OSTC: variants seen among roughly 807,000 people sequenced by gnomAD.
OSTC encodes the protein oligosaccharyltransferase complex non-catalytic subunit.
OSTC carries 16 observed loss-of-function variants against 16.4 expected under a neutral mutation model. That is an observed-to-expected ratio of 0.98 (90% confidence interval 0.66 to 1.49). The LOEUF (loss-of-function observed/expected upper bound fraction) is 1.49, where lower values mean the gene tolerates loss of function less well. Ranked by LOEUF, OSTC falls within the 40% of genes most tolerant of loss-of-function variation. The probability of loss-of-function intolerance (pLI) is 0.00; values close to 1 mark genes in which losing one functional copy is unlikely to be tolerated. For synonymous variants in OSTC, 67 were observed against 68.5 expected (o/e 0.98, Z 0.11); for missense variants, 139 against 186.3 (o/e 0.75, Z 1.48).
intron 2 of OSTC, 83 bp from the exon 3 acceptor site, chr4:108,657,367 G>A (rs1360477905): frequency 1.5e-5 from 19 of 1,233,406 alleles, no homozygotes; most frequent in Non-Finnish European, 2.1e-5. Context: ...AAATGTTTTG[G>A]CACAAAAACG....
rs561647280 is a variant in OSTC, at chr4:108,656,521, A to G, written c.233+864A>G. On this transcript the variant is annotated intron_variant, in intron 2 of 3. Transcript: ENST00000361564. ...TGTATAATCATCCCTTTAACGAGAAATTTTCTTCTTGAGGTCCTTGAACTA... is the reference window on the plus strand; with the variant it reads ...TGTATAATCATCCCTTTAACGAGAAGTTTTCTTCTTGAGGTCCTTGAACTA... Among the ~76,000 whole-genome samples the G allele has an allele frequency of 4.6e-5, 7 of 151,924 alleles. 1 individual carries two copies. The South Asian group carries it at 1.5e-3, about 31-fold the overall frequency.
At chr4:108,660,774 G>T (rs1175856659) in intron 3 of OSTC, among the ~76,000 whole-genome samples, 1 of 152,160 alleles carries the variant, frequency 6.6e-6, no homozygotes, top group Non-Finnish European at 1.5e-5. Context: ...CCTTTGAAAA[G>T]GAGAAAACAG....
In OSTC at chr4:108,667,346, T is replaced by C; in HGVS notation, c.*81T>C. The C allele has an allele frequency of 8.6e-7, 1 of 1,157,956 alleles. No homozygotes were observed. Among genetic ancestry groups the C allele is most frequent in the Non-Finnish European group, 1.2e-6 (1 of 802,908 alleles). 71.7% of individuals were successfully genotyped at this position (1,157,956 alleles called of 1,614,324 possible). ...TAAAGGCTGTACCAATCCTCTAATA[T>C]GAAATGTGGAAAAGAATGAAGAGCA... is the stretch of plus-strand genomic sequence containing the variant. On this transcript the variant is annotated 3_prime_UTR_variant, in exon 4 of 4. Coordinates refer to ENST00000361564, the MANE Select transcript of OSTC (RefSeq NM_021227.4).
chr4:108,655,014 A>C (rs565504327), intron 1 of OSTC, among the ~76,000 whole-genome samples: 43 of 152,218 alleles, frequency 2.8e-4, no homozygotes, highest in Non-Finnish European at 5.3e-4. Flanking sequence ...TTATTGGATG[A>C]ATTTCCTTTA....
At chr4:108,659,291 T>C (rs2110385048) in intron 3 of OSTC, among the ~76,000 whole-genome samples, 1 of 152,116 alleles carries the variant, frequency 6.6e-6, no homozygotes, top group Middle Eastern at 3.4e-3. Context: ...GCAGCTCTTA[T>C]TTTCATTTGG....
At chr4:108,656,556 G>A (rs1302272778) in intron 2 of OSTC, among the ~76,000 whole-genome samples, 1 of 146,094 alleles carries the variant, frequency 6.8e-6, no homozygotes, top group Non-Finnish European at 1.5e-5. Flanking sequence ...ATGAGAATTT[G>A]ATAAAAGCTC....
intron 3 of OSTC, among the ~76,000 whole-genome samples, chr4:108,663,519 G>A (rs1244012287): frequency 6.6e-6 from 1 of 152,198 alleles, no homozygotes; most frequent in Non-Finnish European, 1.5e-5. Context: ...AACCATTACT[G>A]TTTCTAAAAG....
chr4:108,656,399 T>G (rs1253911158), intron 2 of OSTC, among the ~76,000 whole-genome samples: 1 of 151,962 alleles, frequency 6.6e-6, no homozygotes, highest in African/African-American at 2.4e-5. Flanking sequence ...GTGCCCTCTT[T>G]CACACTGTTT....
intron 3 of OSTC, among the ~76,000 whole-genome samples, chr4:108,660,351 T>G (rs1254862176): frequency 6.6e-6 from 1 of 152,222 alleles, no homozygotes; most frequent in Non-Finnish European, 1.5e-5. Flanking sequence ...CAGCTCCTAA[T>G]GCCTGGTACC....
chr4:108,655,632 A>AG lies in OSTC; in HGVS notation c.210dup (p.Pro71AlafsTer47). 6.2e-7 allele frequency: 1 copy of AG among 1,608,240 alleles called. No homozygotes were observed. The highest frequency in any genetic ancestry group is 8.5e-7 in the Non-Finnish European group (1 of 1,175,024). The stretch of plus-strand genomic sequence containing the variant: ...TATGACTGATGAACATGGGCATCAG[A>AG]GGCCAGTAGCTTTCTTGGCCTACAG... On this transcript the variant is annotated frameshift_variant, in exon 2 of 4. Coordinates refer to ENST00000361564, the MANE Select transcript of OSTC (RefSeq NM_021227.4). LOFTEE classifies it high-confidence loss of function.
intron 1 of OSTC, among the ~76,000 whole-genome samples, chr4:108,654,984 T>C (rs1560622527): frequency 1.3e-5 from 2 of 152,238 alleles, no homozygotes; most frequent in Admixed American, 1.3e-4. Flanking sequence ...ACTAAAGTCA[T>C]TCCTGAGTAT....
At chr4:108,665,716 C>T (rs368057204) in intron 3 of OSTC, among the ~76,000 whole-genome samples, 3 of 151,858 alleles carry the variant, frequency 2.0e-5, no homozygotes, top group Non-Finnish European at 4.4e-5. Context: ...TCTGTCACCA[C>T]GCCCAGCTAA....
At chr4:108,660,635 C>T (rs887899963) in intron 3 of OSTC, among the ~76,000 whole-genome samples, 1 of 152,102 alleles carries the variant, frequency 6.6e-6, no homozygotes, top group Non-Finnish European at 1.5e-5. Flanking sequence ...ACACCAATAG[C>T]CACTGGTTTT....
intron 3 of OSTC, among the ~76,000 whole-genome samples, chr4:108,660,176 A>G (rs1217879945): frequency 6.6e-6 from 1 of 152,194 alleles, no homozygotes; most frequent in African/African-American, 2.4e-5. Flanking sequence ...TAGGCTAGGG[A>G]AAAAGGGTAT....
At chr4:108,660,428 T>C (rs913619926) in intron 3 of OSTC, among the ~76,000 whole-genome samples, 4 of 152,206 alleles carry the variant, frequency 2.6e-5, no homozygotes, top group East Asian at 3.8e-4. Context: ...GATACTATCT[T>C]TCCTGGAATA....
chr4:108,650,627 G>C lies in OSTC; in HGVS notation c.-29G>C. On this transcript the variant is annotated 5_prime_UTR_variant, in exon 1 of 4. Coordinates refer to ENST00000361564, the MANE Select transcript of OSTC (RefSeq NM_021227.4). ...TTTCCGGGAGGCGCGTGGGGCTTGA[G>C]GCCGAGAACGGCCCTTGCTGCCACC... is the stretch of plus-strand genomic sequence containing the variant. 1 of 1,611,588 alleles carries C rather than the reference G, an allele frequency of 6.2e-7. No homozygotes were observed. Among genetic ancestry groups the C allele is most frequent in the Non-Finnish European group, 8.5e-7 (1 of 1,178,322 alleles).
intron 3 of OSTC, among the ~76,000 whole-genome samples, chr4:108,666,663 A>G (rs1182991429): frequency 1.4e-5 from 2 of 142,136 alleles, no homozygotes; most frequent in Non-Finnish European, 3.0e-5. Flanking sequence ...GTGAGCCGAG[A>G]TTGCACCATT....
At chr4:108,654,267 G>A (rs1225225614) in intron 1 of OSTC, among the ~76,000 whole-genome samples, 3 of 152,184 alleles carry the variant, frequency 2.0e-5, no homozygotes, top group Admixed American at 1.3e-4. Flanking sequence ...GTAAGAAAGG[G>A]GAGATGGCAA....
intron 3 of OSTC, among the ~76,000 whole-genome samples, chr4:108,662,926 G>A (rs1166610388): frequency 6.6e-6 from 1 of 152,170 alleles, no homozygotes; most frequent in Non-Finnish European, 1.5e-5. Context: ...TAGTAGAGAG[G>A]GTGAGGAATT....
Sources: allele counts gnomAD v4.1 joint callset (sites outside exome capture counted in the v4.1 genomes callset), GRCh38; gene constraint gnomAD v4.1.1; transcripts MANE v1.5; gene names NCBI Gene and HGNC (gene_info 2026-07-23, HGNC 2026-07-21).